Variants in ZBTB24 observed in about 807,000 individuals in gnomAD.
The protein encoded by ZBTB24 is zinc finger and BTB domain-containing protein 24.
In ZBTB24, 32 loss-of-function variants were observed where a neutral mutation model predicts 53.8. That is an observed-to-expected ratio of 0.60 (90% CI 0.45 to 0.80). The LOEUF (loss-of-function observed/expected upper bound fraction) is 0.80, where lower values mean the gene tolerates loss of function less well. Among genes scored for constraint, ZBTB24 ranks in the 30% least tolerant of loss-of-function variants. The probability of loss-of-function intolerance (pLI) is 0.00; values close to 1 mark genes in which losing one functional copy is unlikely to be tolerated. For missense variants in ZBTB24, 722 were observed against 837.1 expected (o/e 0.86, Z 1.70); for synonymous variants, 297 against 306.7 (o/e 0.97, Z 0.33).
At chr6:109,468,140 T>C (rs553775860) in intron 5 of ZBTB24, among the ~76,000 whole-genome samples, 1 of 152,246 alleles carries the variant, frequency 6.6e-6, no homozygotes, top group East Asian at 1.9e-4. Context: ...GTATTATTCA[T>C]GTTTATATCA....
intron 2 of ZBTB24, among the ~76,000 whole-genome samples, chr6:109,478,812 TGACA>T (rs113721209): frequency 0.075 from 11,286 of 150,646 alleles, 1,097 homozygotes; most frequent in African/African-American, 0.23. Flanking sequence ...TTTGTAATAG[TGACA>T]GACAAACAAG....
chr6:109,475,533 T>G, intron 4 of ZBTB24, 51 bp from the exon 5 acceptor site: 1 of 1,596,072 alleles, frequency 6.3e-7, no homozygotes, highest in Non-Finnish European at 8.6e-7. Flanking sequence ...CTCCCTGCCT[T>G]TTCTTCAGTG....
In ZBTB24 at chr6:109,481,278, T is replaced by C. The variant is rs764772825; in HGVS notation, c.749A>G (p.Gln250Arg). ...AATCCTCCGCTTGCTGTATCGACTC[T>C]GGCTTGCCTGGCCATCCTCGGTCTT... ...DPKTEDGQASQSRYSKRRIWR... is the reference protein window; with the variant it reads ...DPKTEDGQASRSRYSKRRIWR... The change falls in exon 2 of 7, where the codon CAG (glutamine) becomes CGG (arginine). Residue 250 changes from glutamine to arginine, a missense_variant. By Grantham distance (43) the Gln-to-Arg change is conservative. Coordinates refer to ENST00000230122, the MANE Select transcript of ZBTB24 (RefSeq NM_014797.3). 6 of 1,614,256 alleles carry C rather than the reference T, an allele frequency of 3.7e-6. No homozygotes were observed. The highest frequency in any genetic ancestry group is 5.1e-6 in the Non-Finnish European group (6 of 1,180,040).
At chr6:109,477,337 G>C (rs1347593968) in intron 2 of ZBTB24, among the ~76,000 whole-genome samples, 1 of 152,090 alleles carries the variant, frequency 6.6e-6, no homozygotes, top group East Asian at 1.9e-4. Context: ...TTTTTTTAGA[G>C]ATGGGATCTC....
intron 5 of ZBTB24, among the ~76,000 whole-genome samples, chr6:109,471,362 C>T (rs966947558): frequency 6.6e-6 from 1 of 152,068 alleles, no homozygotes; most frequent in Non-Finnish European, 1.5e-5. Flanking sequence ...GGTGAGGGGC[C>T]CCCAGGTCTC....
Position 109,464,633 on chromosome 6 carries a change from CAA to C in ZBTB24, c.*1216_*1217del, listed in dbSNP as rs2115351655. 1 of 152,226 alleles carries C rather than the reference CAA, an allele frequency of 6.6e-6. No homozygotes were observed. The highest frequency in any genetic ancestry group is 2.1e-4 in the South Asian group (1 of 4,826). 9.4% of individuals were successfully genotyped at this position (152,226 alleles called of 1,614,324 possible). On this transcript the variant is annotated 3_prime_UTR_variant, in exon 7 of 7. Coordinates refer to ENST00000230122, the MANE Select transcript of ZBTB24 (RefSeq NM_014797.3). ...TGCTGGCTACAAAGTCTCTGAGGCT[CAA>C]AGTTTTAAGATTAGATGAAGATTAG...
In ZBTB24 at chr6:109,476,229, C is replaced by T. The variant is rs757550269; in HGVS notation, c.1150G>A (p.Gly384Arg). Residue 384 changes from glycine (G) to arginine (R), a missense_variant, in exon 4 of 7, where the codon GGA becomes AGA. Transcript: ENST00000230122. ...GQKSFTCDQCGKYFSQNRQLK... is the reference protein window; with the variant it reads ...GQKSFTCDQCRKYFSQNRQLK... ...TGTCTGTTCTGGCTGAAATATTTTCCGCATTGATCACAGGTAAAAGACTTC... is the reference window on the plus strand; with the variant it reads ...TGTCTGTTCTGGCTGAAATATTTTCTGCATTGATCACAGGTAAAAGACTTC... The T allele has an allele frequency of 4.3e-6, 7 of 1,613,904 alleles. No individual in the cohort carries two copies. In the Admixed American group the frequency reaches 5.0e-5, roughly 12 times the overall value.
Position 109,465,342 on chromosome 6 carries a change from G to T in ZBTB24, c.*509C>A. 2.9e-6 allele frequency: 1 copy of T among 350,394 alleles called. No individual in the cohort carries two copies. The highest frequency in any genetic ancestry group is 4.5e-5 in the Admixed American group (1 of 22,242). 21.7% of individuals were successfully genotyped at this position (350,394 alleles called of 1,614,324 possible). On this transcript the variant is annotated 3_prime_UTR_variant, in exon 7 of 7. Coordinates refer to ENST00000230122, the MANE Select transcript of ZBTB24 (RefSeq NM_014797.3). The stretch of plus-strand genomic sequence containing the variant: ...CTTAGGGGACTGGAAATTATTAAAA[G>T]GGCAAATTCCCCATACATTGTGATC...
Position 109,481,261 on chromosome 6 carries a change from G to T in ZBTB24, c.766C>A (p.Arg256=). The T allele has an allele frequency of 3.1e-6, 5 of 1,614,136 alleles. No individual in the cohort carries two copies. Among genetic ancestry groups the T allele is most frequent in the Non-Finnish European group, 4.2e-6 (5 of 1,180,032 alleles). Residue 256 remains arginine, a synonymous_variant, in exon 2 of 7, where the codon CGG becomes AGG. Coordinates refer to ENST00000230122, the MANE Select transcript of ZBTB24 (RefSeq NM_014797.3). ...AGTTTGACGGATCTCCAAATCCTCC[G>T]CTTGCTGTATCGACTCTGGCTTGCC... ...GQASQSRYSK[R]RIWRSVKLKD...
chr6:109,480,449 C>CA (rs1342958396), intron 2 of ZBTB24, among the ~76,000 whole-genome samples: 1 of 152,144 alleles, frequency 6.6e-6, no homozygotes, highest in Non-Finnish European at 1.5e-5. Flanking sequence ...TTCAAGTGCT[C>CA]AAAAACCACA....
At chr6:109,468,788 C>T (rs1261914233) in intron 5 of ZBTB24, among the ~76,000 whole-genome samples, 2 of 152,074 alleles carry the variant, frequency 1.3e-5, no homozygotes, top group East Asian at 3.8e-4. Context: ...TATAACTGCT[C>T]CAGAACCCAC....
At chr6:109,480,503 AT>A (rs1776380952) in intron 2 of ZBTB24, among the ~76,000 whole-genome samples, 1 of 152,208 alleles carries the variant, frequency 6.6e-6, no homozygotes, top group Non-Finnish European at 1.5e-5. Flanking sequence ...ATGTAGGAAC[AT>A]TTCCATCATC....
At chr6:109,471,465 T>C (rs953812373) in intron 5 of ZBTB24, among the ~76,000 whole-genome samples, 1 of 152,218 alleles carries the variant, frequency 6.6e-6, no homozygotes, top group African/African-American at 2.4e-5. Flanking sequence ...CAAGCCACAA[T>C]GAGGCTGTGA....
At chr6:109,467,871 G>A (rs941098356) in intron 5 of ZBTB24, 137 bp from the exon 6 acceptor site, 64 of 962,008 alleles carry the variant, frequency 6.7e-5, no homozygotes, top group African/African-American at 4.6e-4. Flanking sequence ...CTCCGTAAGC[G>A]TAAACGAATG....
At position 109,466,383 on chromosome 6, in the gene ZBTB24, G is replaced by A; in HGVS notation, c.1562C>T (p.Ala521Val). The A allele has an allele frequency of 6.2e-7, 1 of 1,614,184 alleles. No individual in the cohort carries two copies. Among genetic ancestry groups the A allele is most frequent in the Non-Finnish European group, 8.5e-7 (1 of 1,180,046 alleles). The change falls in exon 7 of 7, where the codon GCC (alanine) becomes GTC (valine). Residue 521 changes from alanine (A) to valine (V), a missense_variant. Transcript: ENST00000230122. ...ATTACTACTGCCAGAAATGCTGCTGGCATCTGAAGCATGCTTCTCCTTGCT... is the reference window on the plus strand; with the variant it reads ...ATTACTACTGCCAGAAATGCTGCTGACATCTGAAGCATGCTTCTCCTTGCT... ...IHSKEKHASD[A>V]SSISGSSNTE... is the part of the protein sequence containing the mutation.
intron 5 of ZBTB24, 135 bp downstream of exon 5, chr6:109,475,264 C>G: frequency 9.4e-7 from 1 of 1,064,938 alleles, no homozygotes; most frequent in Non-Finnish European, 1.4e-6. Context: ...TTTAACTTAT[C>G]TTCTTACACA....
At chr6:109,475,341 T>C in intron 5 of ZBTB24, 58 bp downstream of exon 5, 2 of 1,602,426 alleles carry the variant, frequency 1.2e-6, no homozygotes, top group East Asian at 2.2e-5. Flanking sequence ...AGAACTTCAT[T>C]CTTCACTCTC....
intron 2 of ZBTB24, among the ~76,000 whole-genome samples, chr6:109,479,776 C>T (rs369204808): frequency 4.7e-4 from 72 of 151,948 alleles, no homozygotes; most frequent in African/African-American, 1.6e-3. Flanking sequence ...ATTAGCTGGG[C>T]GTGGTGGCGT....
At chr6:109,478,440 C>G (rs1430605074) in intron 2 of ZBTB24, among the ~76,000 whole-genome samples, 1 of 152,192 alleles carries the variant, frequency 6.6e-6, no homozygotes, top group Admixed American at 6.5e-5. Context: ...AAACTCTCTT[C>G]CTCTCCAATT....
Sources: allele counts gnomAD v4.1 joint callset (sites outside exome capture counted in the v4.1 genomes callset), GRCh38; gene constraint gnomAD v4.1.1; transcripts MANE v1.5; gene names NCBI Gene and HGNC (gene_info 2026-07-23, HGNC 2026-07-21).